The following HHAT variants were observed in gnomAD, a reference collection of about 807,000 sequenced individuals.
The protein encoded by HHAT is protein-cysteine N-palmitoyltransferase HHAT.
A neutral mutation model predicts 70.8 loss-of-function variants in HHAT; 47 were observed. The observed-to-expected ratio is 0.66, with a 90% confidence interval of 0.53 to 0.85. The LOEUF is 0.85. Among genes scored for constraint, HHAT ranks in the 40% least tolerant of loss-of-function variants. The probability of loss-of-function intolerance (pLI) is 0.00; values close to 1 mark genes in which losing one functional copy is unlikely to be tolerated. For missense variants in HHAT, 609 were observed against 604.8 expected, an observed-to-expected ratio of 1.01 and a Z score of -0.07; for synonymous variants, 228 against 247.6, an observed-to-expected ratio of 0.92 and a Z score of 0.74.
At chr1:210,560,846 A>G (rs558239636) in intron 9 of HHAT, among the ~76,000 whole-genome samples, 1 of 145,208 alleles carries the variant, frequency 6.9e-6, no homozygotes. Context: ...AAAAAAAAAA[A>G]AAAAACCAGA....
intron 9 of HHAT, among the ~76,000 whole-genome samples, chr1:210,514,433 C>T (rs2095018093): frequency 6.6e-6 from 1 of 152,170 alleles, no homozygotes; most frequent in Non-Finnish European, 1.5e-5. Context: ...TTGAACTGAT[C>T]AGAAGAATCT....
At chr1:210,667,928 T>C (rs1679263356) in intron 11 of HHAT, among the ~76,000 whole-genome samples, 1 of 152,196 alleles carries the variant, frequency 6.6e-6, no homozygotes, top group African/African-American at 2.4e-5. Flanking sequence ...TTTTTTCGTC[T>C]TGCAAAACTG....
At chr1:210,628,331 G>GAA (rs141418076) in intron 11 of HHAT, among the ~76,000 whole-genome samples, 3 of 151,624 alleles carry the variant, frequency 2.0e-5, no homozygotes, top group African/African-American at 7.3e-5. Flanking sequence ...TTAAAAAAAA[G>GAA]AAAAAAAAGG....
At chr1:210,340,400 A>G (rs917115625) in intron 1 of HHAT, among the ~76,000 whole-genome samples, 1 of 152,186 alleles carries the variant, frequency 6.6e-6, no homozygotes, top group African/African-American at 2.4e-5. Flanking sequence ...GGAAAAGGCA[A>G]AAGTCTCATA....
At chr1:210,376,794 T>G (rs2090259021) in intron 3 of HHAT, among the ~76,000 whole-genome samples, 1 of 152,234 alleles carries the variant, frequency 6.6e-6, no homozygotes, top group South Asian at 2.1e-4. Context: ...CTCACCTGTT[T>G]CCCTGGTCTT....
chr1:210,369,397 A>G (rs944821054), intron 3 of HHAT, among the ~76,000 whole-genome samples: 4 of 152,208 alleles, frequency 2.6e-5, no homozygotes, highest in African/African-American at 9.6e-5. Flanking sequence ...TTGAATACGA[A>G]TGACTATGAA....
At chr1:210,394,152 C>T (rs1301602260) in intron 4 of HHAT, among the ~76,000 whole-genome samples, 3 of 150,726 alleles carry the variant, frequency 2.0e-5, no homozygotes, top group Non-Finnish European at 4.4e-5. Flanking sequence ...TATCTAATCT[C>T]GTCTCTTCCT....
intron 8 of HHAT, among the ~76,000 whole-genome samples, chr1:210,511,780 CTTTTTTTTTTTTTTTTT>C (rs201825628): frequency 7.9e-5 from 7 of 88,476 alleles, no homozygotes; most frequent in Admixed American, 1.4e-4. Flanking sequence ...GCCGCCTGGT[CTTTTTTTTTTTTTTTTT>C]TTTTTTTTTT....
Position 210,411,917 on chromosome 1 carries a change from G to A in HHAT, c.685-6237G>A, listed in dbSNP as rs114347255. Among the ~76,000 whole-genome samples, 922 of 152,184 alleles carry A rather than the reference G, an allele frequency of 6.1e-3. 13 individuals are homozygous for A. Among genetic ancestry groups the A allele is most frequent in the African/African-American group, 0.021 (887 of 41,504 alleles). ...AGTATGTATCTTAGTCCATTCAGACGGCTATAACAAAATATCATAAACTGG... is the reference window on the plus strand; with the variant it reads ...AGTATGTATCTTAGTCCATTCAGACAGCTATAACAAAATATCATAAACTGG... On this transcript the variant is annotated intron_variant, in intron 6 of 11. Transcript: ENST00000261458.
chr1:210,425,194 G>A (rs146360240), intron 7 of HHAT, among the ~76,000 whole-genome samples: 1 of 152,194 alleles, frequency 6.6e-6, no homozygotes, highest in Admixed American at 6.6e-5. Context: ...TACTTAATGA[G>A]ATTGTTTATT....
chr1:210,659,821 A>G (rs1574065557), intron 11 of HHAT, among the ~76,000 whole-genome samples: 2 of 152,216 alleles, frequency 1.3e-5, no homozygotes, highest in Admixed American at 6.5e-5. Flanking sequence ...CAAAAACCAC[A>G]TGATTATCTC....
intron 3 of HHAT, among the ~76,000 whole-genome samples, chr1:210,386,439 C>A (rs1032771591): frequency 2.0e-5 from 3 of 150,668 alleles, no homozygotes; most frequent in Non-Finnish European, 4.4e-5. Flanking sequence ...GGGGTTTCAC[C>A]GTTTTAGCCG....
chr1:210,438,640 C>A (rs947494708), intron 7 of HHAT, among the ~76,000 whole-genome samples: 1 of 151,652 alleles, frequency 6.6e-6, no homozygotes, highest in Admixed American at 6.6e-5. Context: ...GTTTTAGGGT[C>A]TTTAGGTCTG....
chr1:210,344,160 G>A (rs2086290837), intron 1 of HHAT, among the ~76,000 whole-genome samples: 1 of 152,156 alleles, frequency 6.6e-6, no homozygotes, highest in Admixed American at 6.5e-5. Flanking sequence ...CCTAAATTTT[G>A]GGGGTGAGGG....
At chr1:210,624,191 G>T (rs575257201) in intron 11 of HHAT, among the ~76,000 whole-genome samples, 1 of 152,200 alleles carries the variant, frequency 6.6e-6, no homozygotes, top group African/African-American at 2.4e-5. Flanking sequence ...CCTGAGATAG[G>T]ATGCTCAGCC....
intron 4 of HHAT, among the ~76,000 whole-genome samples, chr1:210,399,523 G>C (rs911378198): frequency 1.3e-5 from 2 of 152,046 alleles, no homozygotes; most frequent in African/African-American, 4.8e-5. Flanking sequence ...CAAAGTGCTG[G>C]GATATCCCAG....
chr1:210,603,703 A>G (rs1358440844), intron 10 of HHAT, among the ~76,000 whole-genome samples: 2 of 152,154 alleles, frequency 1.3e-5, no homozygotes, highest in African/African-American at 2.4e-5. Context: ...GTGCATGCCT[A>G]TGTACTGATT....
intron 11 of HHAT, among the ~76,000 whole-genome samples, chr1:210,657,251 C>A (rs1170338602): frequency 6.6e-6 from 1 of 152,170 alleles, no homozygotes; most frequent in Non-Finnish European, 1.5e-5. Context: ...AGTGGGGATG[C>A]CTCTGGACAA....
At chr1:210,468,783 T>C (rs1286654584) in intron 8 of HHAT, among the ~76,000 whole-genome samples, 1 of 152,088 alleles carries the variant, frequency 6.6e-6, no homozygotes, top group Non-Finnish European at 1.5e-5. Flanking sequence ...TCATGTCTAC[T>C]GGGATTGTTG....
Sources: allele counts gnomAD v4.1 joint callset (sites outside exome capture counted in the v4.1 genomes callset), GRCh38; gene constraint gnomAD v4.1.1; transcripts MANE v1.5; gene names NCBI Gene and HGNC (gene_info 2026-07-23, HGNC 2026-07-21).